TMEM182: variants seen among roughly 807,000 people sequenced by gnomAD.
The protein encoded by TMEM182 is transmembrane protein 182.
A neutral mutation model predicts 26.8 loss-of-function variants in TMEM182; 20 were observed. The observed-to-expected ratio is 0.75, with a 90% CI of 0.53 to 1.09. The LOEUF (loss-of-function observed/expected upper bound fraction) is 1.09. Among genes scored for constraint, TMEM182 ranks in the 50% least tolerant of loss-of-function variants. TMEM182 has a pLI of 0.00. For missense variants in TMEM182, 277 were observed against 275.5 expected (o/e 1.01, Z -0.04); for synonymous variants, 109 against 102.2 (o/e 1.07, Z -0.40).
intron 1 of TMEM182, among the ~76,000 whole-genome samples, chr2:102,749,135 T>C (rs1409613199): frequency 6.6e-6 from 1 of 152,166 alleles, no homozygotes; most frequent in East Asian, 1.9e-4. Context: ...CAATGTAAAA[T>C]CCTGAACCTA....
chr2:102,747,087 C>T (rs1679720804), intron 1 of TMEM182, among the ~76,000 whole-genome samples: 1 of 152,192 alleles, frequency 6.6e-6, no homozygotes, highest in Non-Finnish European at 1.5e-5. Context: ...TCATGGAGTT[C>T]CTCACACGGT....
chr2:102,743,624 A>G (rs114858104), intron 1 of TMEM182, among the ~76,000 whole-genome samples: 1 of 152,228 alleles, frequency 6.6e-6, no homozygotes, highest in Non-Finnish European at 1.5e-5. Flanking sequence ...CACTATATGA[A>G]TAATCACTTT....
At position 102,772,601 on chromosome 2, in the gene TMEM182, G is replaced by A. The variant is rs6745183; in HGVS notation, c.331+8174G>A. Among the ~76,000 whole-genome samples, 1,204 of 152,170 alleles carry A rather than the reference G, an allele frequency of 7.9e-3. 18 individuals are homozygous for A. The highest frequency in any genetic ancestry group is 0.027 in the African/African-American group (1,120 of 41,484). Reference sequence around the variant, plus strand: ...GTGTTTAGCACAGGGACTGGCTCATGGTAAGGGTTCTATGGGGGTACAAGC... The same window carrying A: ...GTGTTTAGCACAGGGACTGGCTCATAGTAAGGGTTCTATGGGGGTACAAGC... On this transcript the variant is annotated intron_variant, in intron 3 of 4. Coordinates refer to ENST00000412401, the MANE Select transcript of TMEM182 (RefSeq NM_144632.5).
rs957615954 is a variant in TMEM182, at chr2:102,815,907, C to T, written c.*939C>T. On this transcript the variant is annotated 3_prime_UTR_variant, in exon 5 of 5. Transcript: ENST00000412401. ...ACTTCCATATGAGGATTATAATAGC[C>T]CTGCTTTATTAAAGACCATAAAATA... The T allele has an allele frequency of 4.2e-6, 4 of 953,250 alleles. No individual in the cohort carries two copies. The highest frequency in any genetic ancestry group is 5.0e-6 in the Non-Finnish European group (4 of 801,114). The allele number at this position is 953,250 out of a possible 1,614,324, so 59.0% of individuals were successfully genotyped here. A position where few individuals can be genotyped will look rare whatever the true frequency, so the allele number is the denominator to read the frequency against.
rs116417445 is a variant in TMEM182, at chr2:102,838,939, G to A, written c.326-4473G>A. On this transcript the variant is annotated intron_variant, in intron 3 of 3. Transcript: ENST00000486293. ...GGATGGTTAAAAAACTGCCATCTTC[G>A]CCAAGGTTGTACAGAGTCCTGTATT... is the stretch of plus-strand genomic sequence containing the variant. 2.4e-4 allele frequency among the ~76,000 whole-genome samples: 36 copies of A among 152,252 alleles called. No individual in the cohort carries two copies. In the East Asian group the frequency reaches 2.5e-3, roughly 11 times the overall value.
rs1343988159 is a variant in TMEM182 at position 102,762,616 on chromosome 2, G to A, written c.162G>A (p.Gly54=). 1 of 1,613,892 alleles carries A rather than the reference G, an allele frequency of 6.2e-7. No individual in the cohort carries two copies. The highest frequency in any genetic ancestry group is 1.1e-5 in the South Asian group (1 of 91,074). ...AGAACGTCACTTTTCACCATGAAGG[G>A]TTCTTCTGGAGGTGTTGGTTTAATG... ...NIENVTFHHE[G]FFWRCWFNGI... Residue 54 remains glycine (G), a synonymous_variant, in exon 2 of 5, where the codon GGG becomes GGA. Coordinates refer to ENST00000412401, the MANE Select transcript of TMEM182 (RefSeq NM_144632.5).
Position 102,839,470 on chromosome 2 carries a change from T to TATATATATAA in TMEM182, c.326-3941_326-3940insTATATATAAA, listed in dbSNP as rs1177507950. Among the ~76,000 whole-genome samples, 9 of 140,366 alleles carry TATATATATAA rather than the reference T, an allele frequency of 6.4e-5. No individual in the cohort carries two copies. In the East Asian group the frequency reaches 1.4e-3, roughly 22 times the overall value. The allele number at this position is 140,366 out of a possible 152,430, so 92.1% of individuals were successfully genotyped here. A position where few individuals can be genotyped will look rare whatever the true frequency, so the allele number is the denominator to read the frequency against. Reference sequence around the variant, plus strand: ...TGCTATATATATATATATATATATATAATATATACACACAAAAATAATTCC... The same window carrying TATATATATAA: ...TGCTATATATATATATATATATATATATATATATAAAATATATACACACAAAAATAATTCC... On this transcript the variant is annotated intron_variant, in intron 3 of 3. Transcript: ENST00000486293.
chr2:102,767,065 A>G (rs1680482370), intron 3 of TMEM182, among the ~76,000 whole-genome samples: 1 of 152,202 alleles, frequency 6.6e-6, no homozygotes, highest in South Asian at 2.1e-4. Flanking sequence ...TGTTTCATCG[A>G]TAATCTACTA....
In TMEM182 at chr2:102,816,993, G is replaced by A; in HGVS notation, c.*2025G>A. On this transcript the variant is annotated 3_prime_UTR_variant, in exon 5 of 5. Transcript: ENST00000412401. ...TGACAATTGGCTGAATAGCTGATGT[G>A]TATGACACTTTTACACAGATTTGCA... 2 of 985,712 alleles carry A rather than the reference G, an allele frequency of 2.0e-6. No homozygotes were observed. The highest frequency in any genetic ancestry group is 2.4e-6 in the Non-Finnish European group (2 of 829,886). 61.1% of individuals were successfully genotyped at this position (985,712 alleles called of 1,614,324 possible).
At chr2:102,739,214 C>T (rs531775139) in intron 1 of TMEM182, among the ~76,000 whole-genome samples, 118 of 152,268 alleles carry the variant, frequency 7.7e-4, no homozygotes, top group African/African-American at 2.8e-3. Context: ...CTTTTAAGGT[C>T]AGCAGGAGTG....
chr2:102,814,382 C>T lies in TMEM182; in HGVS notation c.470-366C>T, dbSNP rs1205410647. Reference sequence around the variant, plus strand: ...TTGAAAGAAATAACATAGTATAGTGCTCATCCCAAACCATTTGTGCAGTAA... The same window carrying T: ...TTGAAAGAAATAACATAGTATAGTGTTCATCCCAAACCATTTGTGCAGTAA... On this transcript the variant is annotated intron_variant, in intron 4 of 4. Coordinates refer to ENST00000412401, the MANE Select transcript of TMEM182 (RefSeq NM_144632.5). 4.6e-5 allele frequency among the ~76,000 whole-genome samples: 7 copies of T among 151,986 alleles called. No homozygotes were observed. The East Asian group carries it at 1.4e-3, about 29-fold the overall frequency.
chr2:102,818,745 C>CCTATTTAT (rs1553444808), downstream of TMEM182, among the ~76,000 whole-genome samples: 1 of 136,410 alleles, frequency 7.3e-6, no homozygotes, highest in African/African-American at 2.6e-5. Context: ...TCTATTTAAT[C>CCTATTTAT]CTATCTATCT....
chr2:102,763,705 G>C (rs1047169260), intron 2 of TMEM182, among the ~76,000 whole-genome samples: 1 of 152,164 alleles, frequency 6.6e-6, no homozygotes, highest in Non-Finnish European at 1.5e-5. Context: ...AAGTCAGACT[G>C]TGCAAGAGGA....
chr2:102,752,932 A>G (rs904310227), intron 1 of TMEM182, among the ~76,000 whole-genome samples: 8 of 152,252 alleles, frequency 5.3e-5, no homozygotes, highest in Non-Finnish European at 1.0e-4. Context: ...CTTCTGGCTT[A>G]TGAAATGTAA....
At chr2:102,768,251 C>T (rs1306533895) in intron 3 of TMEM182, among the ~76,000 whole-genome samples, 3 of 152,036 alleles carry the variant, frequency 2.0e-5, no homozygotes, top group Non-Finnish European at 2.9e-5. Context: ...CTATTTTATC[C>T]ACTGTAGACC....
intron 4 of TMEM182, among the ~76,000 whole-genome samples, chr2:102,806,322 G>A (rs1558783547): frequency 2.0e-5 from 3 of 152,254 alleles, no homozygotes; most frequent in African/African-American, 2.4e-5. Context: ...AGGGGAAGGC[G>A]GTTGGCTTGA....
intron 2 of TMEM182, among the ~76,000 whole-genome samples, chr2:102,762,979 G>T (rs1680278554): frequency 6.6e-6 from 1 of 152,230 alleles, no homozygotes; most frequent in African/African-American, 2.4e-5. Context: ...AACAGGACAG[G>T]TATTGTCTAT....
At chr2:102,809,552 C>A (rs1682473929) in intron 4 of TMEM182, among the ~76,000 whole-genome samples, 1 of 152,030 alleles carries the variant, frequency 6.6e-6, no homozygotes, top group South Asian at 2.1e-4. Flanking sequence ...AAACATTTTC[C>A]CTGTTGCAGA....
At chr2:102,759,420 A>T (rs1680143061), upstream of TMEM182, among the ~76,000 whole-genome samples, 1 of 152,054 alleles carries the variant, frequency 6.6e-6, no homozygotes, top group Non-Finnish European at 1.5e-5. Context: ...ATTTTGTTCT[A>T]ACAAATCTTT....
Sources: allele counts gnomAD v4.1 joint callset (sites outside exome capture counted in the v4.1 genomes callset), GRCh38; gene constraint gnomAD v4.1.1; transcripts MANE v1.5; gene names NCBI Gene and HGNC (gene_info 2026-07-23, HGNC 2026-07-21).